CC2D2B: variants seen among roughly 807,000 people sequenced by gnomAD.
CC2D2B encodes the protein coiled-coil and C2 domain containing 2B.
CC2D2B carries 128 observed loss-of-function variants against 161.2 expected under a neutral mutation model. That is an observed-to-expected ratio of 0.79 (90% CI 0.69 to 0.92). The LOEUF (loss-of-function observed/expected upper bound fraction) is 0.92, where lower values mean the gene tolerates loss of function less well. Among genes scored for constraint, CC2D2B ranks in the 40% least tolerant of loss-of-function variants. The probability of loss-of-function intolerance (pLI) is 0.00; values close to 1 mark genes in which losing one functional copy is unlikely to be tolerated. For missense variants in CC2D2B, 1,173 were observed against 1,375.1 expected (o/e 0.85, Z 2.32); for synonymous variants, 391 against 449.8 (o/e 0.87, Z 1.65).
At chr10:95,941,221 C>T (rs2076011695) in intron 9 of CC2D2B, among the ~76,000 whole-genome samples, 1 of 152,120 alleles carries the variant, frequency 6.6e-6, no homozygotes, top group Non-Finnish European at 1.5e-5. Context: ...AAAAACAATA[C>T]CTGAAACTAT....
intron 32 of CC2D2B, chr10:96,021,490 G>A (rs61869179): frequency 0.05 from 7,616 of 152,320 alleles, 257 homozygotes; most frequent in Middle Eastern, 0.088. Context: ...GAACCCACAT[G>A]CCAGGAGCTT....
At chr10:95,955,286 A>G in intron 10 of CC2D2B, 108 bp from the exon 11 acceptor site, 1 of 394,556 alleles carries the variant, frequency 2.5e-6, no homozygotes, top group Non-Finnish European at 4.5e-6. Context: ...ATACACACAA[A>G]GTTATACATT....
intron 6 of CC2D2B, among the ~76,000 whole-genome samples, chr10:95,936,582 A>G (rs186867130): frequency 2.0e-4 from 30 of 152,282 alleles, no homozygotes; most frequent in Non-Finnish European, 2.9e-4. Flanking sequence ...ACAATAGCCA[A>G]CAGCACACAC....
intron 6 of CC2D2B, among the ~76,000 whole-genome samples, chr10:95,934,437 G>GAAAA (rs551651883): frequency 2.8e-5 from 4 of 143,846 alleles, no homozygotes; most frequent in East Asian, 4.1e-4. Context: ...ACTGGGGTAT[G>GAAAA]AAAAAAAAAA....
chr10:96,032,046 C>T lies in CC2D2B; in HGVS notation c.*38C>T, dbSNP rs867678598. On this transcript the variant is annotated 3_prime_UTR_variant, in exon 35 of 35. Transcript: ENST00000646931. ...GCAAAGTAAAAGATTGTACTATAGTCCTCTAGTACCAACAAAAACTTTTCT... is the reference window on the plus strand; with the variant it reads ...GCAAAGTAAAAGATTGTACTATAGTTCTCTAGTACCAACAAAAACTTTTCT... 19 of 1,474,294 alleles carry T rather than the reference C, an allele frequency of 1.3e-5. No homozygotes were observed. The highest frequency in any genetic ancestry group is 2.1e-4 in the Middle Eastern group (1 of 4,772). The allele number at this position is 1,474,294 out of a possible 1,614,324, so 91.3% of individuals were successfully genotyped here. A position where few individuals can be genotyped will look rare whatever the true frequency, so the allele number is the denominator to read the frequency against.
Position 95,924,275 on chromosome 10 carries a change from A to T in CC2D2B, c.98-39A>T, listed in dbSNP as rs752649660. On this transcript the variant is annotated intron_variant, in intron 3 of 34. Coordinates refer to ENST00000646931, the MANE Select transcript of CC2D2B (RefSeq NM_001349008.3). ...CTGCTATTGTTGTTTAATTATAATA[A>T]AGTGTCATAAACTCTTTATTATGTT... is the stretch of plus-strand genomic sequence containing the variant. 7.6e-6 allele frequency: 8 copies of T among 1,050,986 alleles called. No individual in the cohort carries two copies. In the South Asian group the frequency reaches 1.3e-4, roughly 18 times the overall value. 65.1% of individuals were successfully genotyped at this position (1,050,986 alleles called of 1,614,324 possible).
intron 25 of CC2D2B, among the ~76,000 whole-genome samples, chr10:96,008,161 AT>A (rs1322252404): frequency 1.1e-5 from 1 of 91,926 alleles, no homozygotes; most frequent in Non-Finnish European, 2.0e-5. Context: ...ATCCTATGGT[AT>A]GTGTTCTTTT....
At chr10:95,982,569 C>T (rs1018172051) in intron 18 of CC2D2B, among the ~76,000 whole-genome samples, 8 of 152,196 alleles carry the variant, frequency 5.3e-5, no homozygotes, top group African/African-American at 1.7e-4. Context: ...ATTCATGCCA[C>T]TGCTCTGCCT....
At chr10:95,966,843 G>T (rs2076956367) in intron 14 of CC2D2B, among the ~76,000 whole-genome samples, 1 of 151,948 alleles carries the variant, frequency 6.6e-6, no homozygotes, top group Non-Finnish European at 1.5e-5. Flanking sequence ...TCTTCCTTGA[G>T]CTGTAATGTT....
At chr10:96,020,131 C>T (rs1232380493) in intron 32 of CC2D2B, 1 of 219,072 alleles carries the variant, frequency 4.6e-6, no homozygotes, top group Admixed American at 6.1e-5. Flanking sequence ...TAACTCTGAC[C>T]TAGCCCTCCT....
chr10:95,981,700 A>C (rs1159283236), intron 17 of CC2D2B, among the ~76,000 whole-genome samples: 1 of 152,216 alleles, frequency 6.6e-6, no homozygotes, highest in African/African-American at 2.4e-5. Flanking sequence ...GTTACATACA[A>C]TATCGATGGC....
rs1312385868 is a variant in CC2D2B, at chr10:95,965,980, G to C, written c.1335G>C (p.Lys445Asn). 8.3e-7 allele frequency: 1 copy of C among 1,203,448 alleles called. No homozygotes were observed. The highest frequency in any genetic ancestry group is 1.0e-6 in the Non-Finnish European group (1 of 962,358). 74.5% of individuals were successfully genotyped at this position (1,203,448 alleles called of 1,614,324 possible). A position where few individuals can be genotyped will look rare whatever the true frequency, so the allele number is the denominator to read the frequency against. Reference protein sequence around the residue: ...TEKKNEGKELKNGKKLESLSY... With the variant: ...TEKKNEGKELNNGKKLESLSY... ...AGAAAAATGAAGGAAAAGAACTTAA[G>C]AATGGGAAAAAACTGGAGGTATTTA... is the stretch of plus-strand genomic sequence containing the variant. The change falls in exon 13 of 35, where the codon AAG (lysine) becomes AAC (asparagine). Residue 445 changes from lysine (K) to asparagine (N), a missense_variant. Around this residue, in one of 3 missense-constraint regions of CC2D2B, gnomAD observed 277 missense variants for 420.6 expected, o/e 0.66. Transcript: ENST00000646931.
At chr10:96,025,236 C>T in intron 33 of CC2D2B, among the ~76,000 whole-genome samples, 1 of 118,040 alleles carries the variant, frequency 8.5e-6, no homozygotes, top group Non-Finnish European at 1.7e-5. Flanking sequence ...GGCATGATGG[C>T]ATATACCTGT....
intron 19 of CC2D2B, among the ~76,000 whole-genome samples, chr10:95,984,333 T>C (rs541039345): frequency 2.6e-5 from 4 of 152,258 alleles, no homozygotes; most frequent in Admixed American, 1.3e-4. Flanking sequence ...TTGGTGAGAT[T>C]TGGATATGGA....
At chr10:96,015,463 G>GT (rs1312098434) in intron 29 of CC2D2B, among the ~76,000 whole-genome samples, 1 of 102,794 alleles carries the variant, frequency 9.7e-6, no homozygotes, top group Non-Finnish European at 2.0e-5. Context: ...GCTAGAGTTT[G>GT]TTTTTGTTTT....
intron 1 of CC2D2B, among the ~76,000 whole-genome samples, chr10:95,909,423 T>C (rs1275925412): frequency 6.6e-6 from 1 of 152,206 alleles, no homozygotes; most frequent in East Asian, 1.9e-4. Flanking sequence ...AGCATCCTAA[T>C]TCAAATTAAG....
intron 32 of CC2D2B, among the ~76,000 whole-genome samples, chr10:96,022,046 G>A (rs964359793): frequency 3.9e-5 from 6 of 152,162 alleles, no homozygotes; most frequent in Non-Finnish European, 7.3e-5. Flanking sequence ...GGCTGGGTGC[G>A]GTGGCTCACG....
At chr10:96,018,692 G>A (rs1401101101) in intron 30 of CC2D2B, 1 of 152,024 alleles carries the variant, frequency 6.6e-6, no homozygotes. Context: ...GCTAACCTGG[G>A]GCTGAGGATT....
At chr10:96,013,323 C>A (rs2079065407) in intron 28 of CC2D2B, among the ~76,000 whole-genome samples, 1 of 150,384 alleles carries the variant, frequency 6.6e-6, no homozygotes, top group Admixed American at 6.6e-5. Flanking sequence ...CCTGCTGCAG[C>A]AGCTTATAAT....
Sources: gnomAD v4.1 joint callset for allele counts (sites outside exome capture counted in the v4.1 genomes callset) on GRCh38, gnomAD v4.1.1 for gene constraint, gnomAD v4.1.1 regional missense constraint, MANE v1.5 for transcripts, NCBI Gene and HGNC (gene_info 2026-07-23, HGNC 2026-07-21) for gene names.